Variants in CACNA1C observed in about 807,000 individuals in gnomAD.
The protein encoded by CACNA1C is voltage-dependent L-type calcium channel subunit alpha-1C.
Under a neutral mutation model 229.0 loss-of-function variants are expected in CACNA1C, and 30 were observed. The observed-to-expected ratio is 0.13, with a 90% confidence interval of 0.10 to 0.18. CACNA1C has a LOEUF of 0.18. Among genes scored for constraint, CACNA1C ranks in the 10% least tolerant of loss-of-function variants. CACNA1C has a pLI of 1.00. For synonymous variants in CACNA1C, 1,114 were observed against 1,132.5 expected, an observed-to-expected ratio of 0.98 and a Z score of 0.33; for missense variants, 1,658 against 2,845.0, an observed-to-expected ratio of 0.58 and a Z score of 9.49.
At chr12:2,145,953 A>G (rs1194394085) in intron 3 of CACNA1C, among the ~76,000 whole-genome samples, 1 of 151,190 alleles carries the variant, frequency 6.6e-6, no homozygotes, top group African/African-American at 2.4e-5. Context: ...TGTCACTTAG[A>G]GCTGATTATA....
At chr12:2,252,769 C>T (rs1048294783) in intron 3 of CACNA1C, among the ~76,000 whole-genome samples, 17 of 152,080 alleles carry the variant, frequency 1.1e-4, no homozygotes, top group African/African-American at 4.1e-4. Flanking sequence ...TTTTTCTAAG[C>T]TCTTACTCTT....
At chr12:2,618,804 G>A (rs538418862) in intron 29 of CACNA1C, among the ~76,000 whole-genome samples, 1 of 152,240 alleles carries the variant, frequency 6.6e-6, no homozygotes, top group Non-Finnish European at 1.5e-5. Flanking sequence ...GCACACTGGA[G>A]CCCGTTCCTC....
intron 3 of CACNA1C, among the ~76,000 whole-genome samples, chr12:2,338,306 G>A (rs1036094473): frequency 6.6e-6 from 1 of 152,104 alleles, no homozygotes; most frequent in Non-Finnish European, 1.5e-5. Context: ...ATCTGTATAG[G>A]CATAATAGCA....
chr12:2,204,957 A>T (rs1048596747), intron 3 of CACNA1C, among the ~76,000 whole-genome samples: 8 of 150,796 alleles, frequency 5.3e-5, no homozygotes, highest in South Asian at 4.2e-4. Context: ...TAAATTAATT[A>T]AAAAAAACAA....
chr12:2,538,813 G>T (rs1285494629), intron 9 of CACNA1C, among the ~76,000 whole-genome samples: 1 of 152,194 alleles, frequency 6.6e-6, no homozygotes, highest in East Asian at 1.9e-4. Context: ...CCAAGTTATT[G>T]TTTTCTGAAA....
upstream of CACNA1C, among the ~76,000 whole-genome samples, chr12:2,051,746 G>C (rs1290572913): frequency 1.3e-5 from 2 of 152,212 alleles, no homozygotes; most frequent in Non-Finnish European, 2.9e-5. Flanking sequence ...GACTGCGATG[G>C]GGAAGGCTGT....
chr12:2,401,475 C>A (rs1186100657), intron 3 of CACNA1C, among the ~76,000 whole-genome samples: 1 of 152,228 alleles, frequency 6.6e-6, no homozygotes, highest in East Asian at 1.9e-4. Flanking sequence ...TAGGACAGGT[C>A]TCCCCTTTGA....
chr12:2,400,144 GATA>G (rs1337354766), intron 3 of CACNA1C, among the ~76,000 whole-genome samples: 1 of 152,176 alleles, frequency 6.6e-6, no homozygotes, highest in East Asian at 1.9e-4. Flanking sequence ...CCATGGTGTG[GATA>G]ATATTAAATC....
chr12:2,399,038 C>T (rs182367770), intron 3 of CACNA1C, among the ~76,000 whole-genome samples: 143 of 152,280 alleles, frequency 9.4e-4, no homozygotes, highest in Non-Finnish European at 1.8e-3. Flanking sequence ...TAACACCTCC[C>T]CCCGGGGACT....
intron 5 of CACNA1C, among the ~76,000 whole-genome samples, chr12:2,473,266 A>G (rs1003146721): frequency 6.6e-6 from 1 of 151,914 alleles, no homozygotes; most frequent in African/African-American, 2.4e-5. Flanking sequence ...CACACAGGCA[A>G]CCCCTACACA....
chr12:2,611,859 C>T (rs1411617745), intron 28 of CACNA1C, 44 bp from the exon 29 acceptor site: 1 of 1,260,608 alleles, frequency 7.9e-7, no homozygotes, highest in Non-Finnish European at 1.2e-6. Context: ...GGAGGAGCGA[C>T]CTCCCTGCCC....
chr12:2,501,955 TC>T (rs2099761448), intron 7 of CACNA1C, among the ~76,000 whole-genome samples: 1 of 152,252 alleles, frequency 6.6e-6, no homozygotes, highest in Admixed American at 6.5e-5. Context: ...ATTGCCGACT[TC>T]TGCAAACCTC....
At chr12:2,682,384 CAGG>C (rs1020073582) in intron 42 of CACNA1C, among the ~76,000 whole-genome samples, 163 bp from the exon 43 acceptor site, 2 of 152,206 alleles carry the variant, frequency 1.3e-5, no homozygotes, top group African/African-American at 4.8e-5. Flanking sequence ...TCAGCAATCA[CAGG>C]AGAACAAAGC....
intron 2 of CACNA1C, among the ~76,000 whole-genome samples, chr12:2,117,827 A>G (rs1229553727): frequency 6.6e-6 from 1 of 152,030 alleles, no homozygotes; most frequent in Non-Finnish European, 1.5e-5. Flanking sequence ...CCTGGAGGAG[A>G]GGAAGGGGGC....
intron 3 of CACNA1C, among the ~76,000 whole-genome samples, chr12:2,168,631 T>A (rs2096347066): frequency 6.6e-6 from 1 of 152,196 alleles, no homozygotes; most frequent in Non-Finnish European, 1.5e-5. Context: ...CCTTCAGACC[T>A]CCTGTATCAC....
chr12:2,064,898 G>T (rs562898202), intron 1 of CACNA1C, among the ~76,000 whole-genome samples: 1 of 152,312 alleles, frequency 6.6e-6, no homozygotes, highest in Admixed American at 6.5e-5. Flanking sequence ...TGCCTCAGCT[G>T]AACCCATTAA....
chr12:2,392,063 A>G (rs1225970303), intron 3 of CACNA1C, among the ~76,000 whole-genome samples: 1 of 152,208 alleles, frequency 6.6e-6, no homozygotes, highest in East Asian at 1.9e-4. Context: ...TATAAGCCCA[A>G]TCTGCTTATC....
intron 4 of CACNA1C, among the ~76,000 whole-genome samples, chr12:2,451,708 C>G (rs2099375617): frequency 6.6e-6 from 1 of 152,224 alleles, no homozygotes; most frequent in South Asian, 2.1e-4. Context: ...CACACAACCA[C>G]AAGGGGCCAG....
chr12:2,360,178 C>CCCT (rs2097523832), intron 3 of CACNA1C, among the ~76,000 whole-genome samples: 1 of 101,262 alleles, frequency 9.9e-6, no homozygotes, highest in African/African-American at 4.9e-5. Flanking sequence ...CCCCCCACCC[C>CCCT]ACACACACAC....
Sources: gnomAD v4.1 joint callset for allele counts (sites outside exome capture counted in the v4.1 genomes callset) on GRCh38, gnomAD v4.1.1 for gene constraint, MANE v1.5 for transcripts, NCBI Gene and HGNC (gene_info 2026-07-23, HGNC 2026-07-21) for gene names.